The following KAZN variants were observed in gnomAD, a reference collection of about 807,000 sequenced individuals.
KAZN encodes the protein kazrin.
In KAZN, 40 loss-of-function variants were observed where a neutral mutation model predicts 87.4. The observed-to-expected ratio is 0.46, with a 90% CI of 0.36 to 0.60. The LOEUF (loss-of-function observed/expected upper bound fraction) is 0.60, where lower values mean the gene tolerates loss of function less well. Among genes scored for constraint, KAZN ranks in the 20% least tolerant of loss-of-function variants. The pLI is 0.00. For synonymous variants in KAZN, 466 were observed against 458.3 expected (o/e 1.02, Z -0.22); for missense variants, 898 against 1,073.9 (o/e 0.84, Z 2.29).
intron 1 of KAZN, chr1:14,692,335 T>G (rs960716415): frequency 2.3e-5 from 10 of 430,768 alleles, no homozygotes; most frequent in African/African-American, 4.1e-5. Flanking sequence ...TCGGCTCTCA[T>G]TTTTTCGATC....
Position 14,598,713 on chromosome 1 carries a change from C to A in KAZN, c.-285C>A. 1 of 1,317,848 alleles carries A rather than the reference C, an allele frequency of 7.6e-7. No individual in the cohort carries two copies. The highest frequency in any genetic ancestry group is 3.2e-5 in the East Asian group (1 of 31,032). 81.6% of individuals were successfully genotyped at this position (1,317,848 alleles called of 1,614,324 possible). ...CTTGGAGCAGCTCTCGGCGCCCGCCCGCCGGGGTCTCGGCGATCGCTGCTC... is the reference window on the plus strand; with the variant it reads ...CTTGGAGCAGCTCTCGGCGCCCGCCAGCCGGGGTCTCGGCGATCGCTGCTC... On this transcript the variant is annotated 5_prime_UTR_variant, in exon 1 of 15. Transcript: ENST00000376030. This position sits in a 1 kb window ranked among gnomAD's most constrained non-coding sequence, Gnocchi z 4.2.
At chr1:14,655,134 G>C (rs12095791) in intron 1 of KAZN, among the ~76,000 whole-genome samples, 7,847 of 152,242 alleles carry the variant, frequency 0.052, 303 homozygotes, top group African/African-American at 0.091. Context: ...TGGCCTAGGG[G>C]CTGCACTTTG....
chr1:14,972,517 T>A (rs1477312073), intron 2 of KAZN, among the ~76,000 whole-genome samples: 1 of 125,602 alleles, frequency 8.0e-6, no homozygotes, highest in Non-Finnish European at 1.6e-5. Flanking sequence ...GACTGGGAAC[T>A]TTTTTTTTTT....
At position 14,417,993 on chromosome 1, in the gene KAZN, C is replaced by CA. The variant is rs58803467; in HGVS notation, c.250-180939dup. 5.9e-5 allele frequency among the ~76,000 whole-genome samples: 2 copies of CA among 33,808 alleles called. 1 individual carries two copies. Among genetic ancestry groups the CA allele is most frequent in the Non-Finnish European group, 1.1e-4 (2 of 18,530 alleles). 22.2% of individuals were successfully genotyped at this position (33,808 alleles called of 152,430 possible). On this transcript the variant is annotated intron_variant, in intron 2 of 16. Transcript: ENST00000636203. ...GCTGGGCGACAGAGTGAGACTGCCT[C>CA]AAAAAAAAAAAAAAAAAAAAAAAAA...
intron 3 of KAZN, among the ~76,000 whole-genome samples, chr1:15,041,331 C>CTTTTTTTTTTTTTTT (rs71000360): frequency 2.4e-4 from 27 of 114,162 alleles, no homozygotes; most frequent in African/African-American, 6.4e-4. Context: ...CATTTTTTTT[C>CTTTTTTTTTTTTTTT]TTTTTTTTTT....
chr1:14,266,500 A>C (rs1651482310), intron 2 of KAZN, among the ~76,000 whole-genome samples: 1 of 152,220 alleles, frequency 6.6e-6, no homozygotes, highest in Admixed American at 6.5e-5. Flanking sequence ...GCATCACCAA[A>C]CTTCTAAATG....
chr1:14,436,734 A>AAACAAAAACAAAAAC (rs1553172283), intron 2 of KAZN, among the ~76,000 whole-genome samples: 1 of 137,368 alleles, frequency 7.3e-6, no homozygotes. Flanking sequence ...AAAAAAAAAA[A>AAACAAAAACAAAAAC]AAAACCTTAA....
At chr1:14,444,495 A>G (rs973497712) in intron 2 of KAZN, among the ~76,000 whole-genome samples, 3 of 151,928 alleles carry the variant, frequency 2.0e-5, no homozygotes, top group Non-Finnish European at 4.4e-5. Flanking sequence ...TATTTTTAGT[A>G]GAGATGGGGT....
intron 1 of KAZN, among the ~76,000 whole-genome samples, chr1:14,111,915 T>G (rs906639405): frequency 2.0e-5 from 3 of 152,070 alleles, no homozygotes; most frequent in African/African-American, 7.2e-5. Flanking sequence ...AATTTTTGTA[T>G]TTTTAGTAGA....
intron 1 of KAZN, among the ~76,000 whole-genome samples, chr1:14,029,870 T>C (rs1327431799): frequency 6.6e-6 from 1 of 152,212 alleles, no homozygotes; most frequent in Non-Finnish European, 1.5e-5. Flanking sequence ...CTGTTTCGGT[T>C]ACTGTAGCCT....
chr1:14,841,755 T>G (rs538625410), intron 1 of KAZN, among the ~76,000 whole-genome samples: 1 of 152,212 alleles, frequency 6.6e-6, no homozygotes, highest in Non-Finnish European at 1.5e-5. Context: ...TGAGAGCCAT[T>G]TTTTTGTACC....
At chr1:15,109,365 G>A (rs11584281) in intron 13 of KAZN, among the ~76,000 whole-genome samples, 47,475 of 151,810 alleles carry the variant, frequency 0.31, 7,439 homozygotes, top group Middle Eastern at 0.35. Flanking sequence ...CGAGACCCTC[G>A]CTCAGAGGAA....
chr1:14,626,986 C>T (rs1679190652), intron 1 of KAZN, among the ~76,000 whole-genome samples: 1 of 152,064 alleles, frequency 6.6e-6, no homozygotes, highest in African/African-American at 2.4e-5. Context: ...CCAGGACACT[C>T]GGTAAATATT....
At chr1:14,484,869 G>A (rs1262396466) in intron 2 of KAZN, among the ~76,000 whole-genome samples, 1 of 152,156 alleles carries the variant, frequency 6.6e-6, no homozygotes, top group African/African-American at 2.4e-5. Context: ...AAAAGTGAGT[G>A]GAAATGCCAA....
intron 1 of KAZN, among the ~76,000 whole-genome samples, chr1:14,810,544 C>G (rs1269422166): frequency 6.6e-6 from 1 of 152,192 alleles, no homozygotes; most frequent in Non-Finnish European, 1.5e-5. Context: ...TGAGTGTCCA[C>G]TCCGCTCTAG....
rs185513004 is a variant in KAZN, at chr1:14,116,688, C to T, written c.92-63747C>T. 3.3e-5 allele frequency among the ~76,000 whole-genome samples: 5 copies of T among 152,284 alleles called. No individual in the cohort carries two copies. In the East Asian group the frequency reaches 9.7e-4, roughly 29 times the overall value. On this transcript the variant is annotated intron_variant, in intron 1 of 16. Coordinates refer to the KAZN transcript ENST00000636203. ...GAGTTGTGAGAAGAGGGCCACTGTC[C>T]TCCAGACCCCAGAATGGTAGATCCA...
intron 2 of KAZN, among the ~76,000 whole-genome samples, chr1:14,349,919 G>A (rs894458331): frequency 6.6e-6 from 1 of 151,984 alleles, no homozygotes; most frequent in Non-Finnish European, 1.5e-5. Flanking sequence ...GGCGGATCAC[G>A]AGTTCAGGAG....
rs71000358 is a variant in KAZN, at chr1:15,027,070, C to CTTTTTTTTTTTTTTTTT, written c.419-7666_419-7650dup. Among the ~76,000 whole-genome samples, 3 of 56,122 alleles carry CTTTTTTTTTTTTTTTTT rather than the reference C, an allele frequency of 5.3e-5. 1 individual carries two copies. Among genetic ancestry groups the CTTTTTTTTTTTTTTTTT allele is most frequent in the African/African-American group, 1.3e-4 (2 of 14,868 alleles). 36.8% of individuals were successfully genotyped at this position (56,122 alleles called of 152,430 possible). A position where few individuals can be genotyped will look rare whatever the true frequency, so the allele number is the denominator to read the frequency against. On this transcript the variant is annotated intron_variant, in intron 2 of 14. Coordinates refer to ENST00000376030, the MANE Select transcript of KAZN (RefSeq NM_201628.3). ...TAGGCAGATTCCCAAGCCAGTGCTT[C>CTTTTTTTTTTTTTTTTT]TTTTTTTTTTTTTTTTTTTTTTTTT...
At chr1:14,982,575 A>G (rs1666365218) in intron 2 of KAZN, among the ~76,000 whole-genome samples, 1 of 152,028 alleles carries the variant, frequency 6.6e-6, no homozygotes, top group Non-Finnish European at 1.5e-5. Context: ...GACTACAGGC[A>G]TGCGCCACCA....
Sources: allele counts gnomAD v4.1 joint callset (sites outside exome capture counted in the v4.1 genomes callset), GRCh38; gene constraint gnomAD v4.1.1; non-coding constraint Gnocchi (gnomAD v3.1); transcripts MANE v1.5; gene names NCBI Gene and HGNC (gene_info 2026-07-23, HGNC 2026-07-21).